Variants in ANKRD55 observed in about 807,000 individuals in gnomAD.
ANKRD55 encodes the protein ankyrin repeat domain 55.
Under a neutral mutation model 60.6 loss-of-function variants are expected in ANKRD55, and 41 were observed. The observed-to-expected ratio is 0.68, with a 90% confidence interval of 0.53 to 0.88. The LOEUF (loss-of-function observed/expected upper bound fraction) is 0.88. Among genes scored for constraint, ANKRD55 ranks in the 40% least tolerant of loss-of-function variants. The pLI, the probability that ANKRD55 is intolerant of heterozygous loss-of-function variation, is 0.00. For missense variants in ANKRD55, 732 were observed against 767.6 expected, an observed-to-expected ratio of 0.95 and a Z score of 0.55; for synonymous variants, 264 against 290.3, an observed-to-expected ratio of 0.91 and a Z score of 0.92.
chr5:56,119,675 G>A (rs1352004234), intron 8 of ANKRD55, among the ~76,000 whole-genome samples: 1 of 152,150 alleles, frequency 6.6e-6, no homozygotes, highest in Non-Finnish European at 1.5e-5. Flanking sequence ...AGCACTTCGG[G>A]AGGCAGAGGT....
At chr5:56,156,376 A>T (rs1758195618) in intron 6 of ANKRD55, among the ~76,000 whole-genome samples, 1 of 152,180 alleles carries the variant, frequency 6.6e-6, no homozygotes, top group Non-Finnish European at 1.5e-5. Flanking sequence ...TATTTACCAC[A>T]TATTCTATGT....
At chr5:56,132,702 A>G (rs1757457083) in intron 7 of ANKRD55, among the ~76,000 whole-genome samples, 1 of 152,184 alleles carries the variant, frequency 6.6e-6, no homozygotes, top group Non-Finnish European at 1.5e-5. Flanking sequence ...GTCTAAATGT[A>G]CCAATCAAAA....
chr5:56,211,842 C>A (rs891732196), intron 2 of ANKRD55, among the ~76,000 whole-genome samples: 3 of 152,114 alleles, frequency 2.0e-5, no homozygotes, highest in African/African-American at 7.2e-5. Flanking sequence ...GGAAGCACAC[C>A]TGTGAACAAT....
intron 3 of ANKRD55, 120 bp from the exon 4 acceptor site, chr5:56,176,402 G>C: frequency 9.3e-7 from 1 of 1,075,536 alleles, no homozygotes; most frequent in Admixed American, 2.1e-5. Context: ...GTTTGTATGG[G>C]ACTGAAGGGA....
At chr5:56,164,240 C>T (rs78065685) in intron 5 of ANKRD55, among the ~76,000 whole-genome samples, 2,897 of 152,258 alleles carry the variant, frequency 0.019, 42 homozygotes, top group Non-Finnish European at 0.03. Context: ...CTGGGGACAA[C>T]TCATCCCTAT....
intron 11 of ANKRD55, among the ~76,000 whole-genome samples, chr5:56,100,592 T>C (rs1482857472): frequency 6.6e-6 from 1 of 152,042 alleles, no homozygotes; most frequent in Admixed American, 6.6e-5. Flanking sequence ...TGGAGTGGAG[T>C]AGCTGTTGAT....
intron 6 of ANKRD55, among the ~76,000 whole-genome samples, chr5:56,154,200 CAAA>C (rs367809782): frequency 1.9e-4 from 12 of 64,308 alleles, no homozygotes; most frequent in African/African-American, 7.0e-4. Context: ...GACTCTGTCT[CAAA>C]AAAAAAAAAA....
rs370899798 is a variant in ANKRD55 at position 56,198,958 on chromosome 5, T to C, written c.59-15324A>G. 4.5e-4 allele frequency among the ~76,000 whole-genome samples: 69 copies of C among 152,096 alleles called. 2 individuals are homozygous for C. The East Asian group carries it at 0.012, about 27-fold the overall frequency. The stretch of plus-strand genomic sequence containing the variant: ...AGCCGGGCGTGGTGGCGGGCGCCTG[T>C]AGTCCCAGCTACTCAGGAGGCTGAG... On this transcript the variant is annotated intron_variant, in intron 2 of 11. Coordinates refer to ENST00000341048, the MANE Select transcript of ANKRD55 (RefSeq NM_024669.3).
chr5:56,144,568 A>C (rs987388081), intron 6 of ANKRD55, among the ~76,000 whole-genome samples: 3 of 134,542 alleles, frequency 2.2e-5, no homozygotes, highest in Admixed American at 1.5e-4. Context: ...TGATCCTGGG[A>C]GGGTGGGATG....
intron 2 of ANKRD55, among the ~76,000 whole-genome samples, chr5:56,201,079 C>T (rs1759355288): frequency 1.3e-5 from 2 of 152,330 alleles, no homozygotes; most frequent in South Asian, 2.1e-4. Flanking sequence ...ATGATTGAGA[C>T]ATACTGGAGA....
chr5:56,159,706 G>A, intron 6 of ANKRD55, 127 bp downstream of exon 6: 2 of 902,952 alleles, frequency 2.2e-6, no homozygotes, highest in South Asian at 2.9e-5. Flanking sequence ...CCCTTTCAGG[G>A]TAGGAACACA....
chr5:56,138,233 T>A (rs1198744342), intron 7 of ANKRD55, among the ~76,000 whole-genome samples: 1 of 150,756 alleles, frequency 6.6e-6, no homozygotes, highest in Non-Finnish European at 1.5e-5. Flanking sequence ...GTTCAAACGA[T>A]TCTCCTGCCT....
Position 56,102,527 on chromosome 5 carries a change from G to C in ANKRD55, c.1690C>G (p.Arg564Gly), listed in dbSNP as rs201869203. Residue 564 changes from arginine to glycine, a missense_variant, in exon 11 of 12, where the codon CGG becomes GGG. Arg to Gly is a moderately radical substitution (Grantham distance 125). Around this residue, in one of 3 missense-constraint regions of ANKRD55, gnomAD observed 597 missense variants for 607.5 expected, o/e 0.98. Transcript: ENST00000341048. ...TCTGGTAGGGGAGCTAGGTTGTTCC[G>C]AGTGAAAGGAAGATCCCTGATTTTG... is the stretch of plus-strand genomic sequence containing the variant. ...RHKIRDLPFT[R>G]NNLAPLPDQK... 1.2e-6 allele frequency: 2 copies of C among 1,613,598 alleles called. No individual in the cohort carries two copies. Among genetic ancestry groups the C allele is most frequent in the African/African-American group, 2.7e-5 (2 of 74,898 alleles).
intron 5 of ANKRD55, chr5:56,160,712 A>G (rs940806383): frequency 2.6e-5 from 4 of 152,272 alleles, no homozygotes; most frequent in African/African-American, 9.6e-5. Flanking sequence ...TTTGTAAAAT[A>G]CACACATGCC....
chr5:56,127,198 GGAAA>G lies in ANKRD55; in HGVS notation c.613-96_613-93del, dbSNP rs149946797. The G allele has an allele frequency of 3.1e-3, 4,057 of 1,328,334 alleles. 116 individuals are homozygous for G. The African/African-American group carries it at 0.055, about 18-fold the overall frequency. 82.3% of individuals were successfully genotyped at this position (1,328,334 alleles called of 1,614,324 possible). ...AAGATAAAAATACAAAGGAAAAAAAGGAAAGAAAGAAAGAAAGAAAAAAGATGAA... is the reference window on the plus strand; with the variant it reads ...AAGATAAAAATACAAAGGAAAAAAAGGAAAGAAAGAAAGAAAAAAGATGAA... On this transcript the variant is annotated intron_variant, in intron 7 of 11. Coordinates refer to ENST00000341048, the MANE Select transcript of ANKRD55 (RefSeq NM_024669.3).
At position 56,168,146 on chromosome 5, in the gene ANKRD55, G is replaced by A. The variant is rs1023036233; in HGVS notation, c.422+2548C>T. Among the ~76,000 whole-genome samples the A allele has an allele frequency of 1.2e-4, 19 of 152,262 alleles. No individual in the cohort carries two copies. The South Asian group carries it at 3.1e-3, about 25-fold the overall frequency. On this transcript the variant is annotated intron_variant, in intron 5 of 11. Coordinates refer to ENST00000341048, the MANE Select transcript of ANKRD55 (RefSeq NM_024669.3). ...GGTTGTATGACTAGTCCTTATTGAT[G>A]GAATATGAGCAGAAATGAATTGTGT...
chr5:56,207,221 A>G (rs1156285668), intron 2 of ANKRD55, among the ~76,000 whole-genome samples: 1 of 152,194 alleles, frequency 6.6e-6, no homozygotes, highest in Non-Finnish European at 1.5e-5. Context: ...CAGGCCTAAC[A>G]TCTAGGCAGG....
At chr5:56,135,907 C>A (rs1757585012) in intron 7 of ANKRD55, among the ~76,000 whole-genome samples, 1 of 152,068 alleles carries the variant, frequency 6.6e-6, no homozygotes, top group Non-Finnish European at 1.5e-5. Context: ...TTTCTATATA[C>A]TAGCAATGAG....
At chr5:56,207,824 A>G (rs190922564) in intron 2 of ANKRD55, among the ~76,000 whole-genome samples, 1 of 152,170 alleles carries the variant, frequency 6.6e-6, no homozygotes, top group Non-Finnish European at 1.5e-5. Context: ...TAGACTTTAT[A>G]AACACTGCAC....
Sources: gnomAD v4.1 joint callset for allele counts (sites outside exome capture counted in the v4.1 genomes callset) on GRCh38, gnomAD v4.1.1 for gene constraint, gnomAD v4.1.1 regional missense constraint, MANE v1.5 for transcripts, NCBI Gene and HGNC (gene_info 2026-07-23, HGNC 2026-07-21) for gene names.